Variants in ZDHHC15 observed in about 807,000 individuals in gnomAD.
ZDHHC15 encodes palmitoyltransferase ZDHHC15.
In ZDHHC15, 19 loss-of-function variants were observed where a neutral mutation model predicts 31.7. That is an observed-to-expected ratio of 0.60 (90% confidence interval 0.42 to 0.88). The LOEUF (loss-of-function observed/expected upper bound fraction) is 0.88. Ranked by LOEUF, ZDHHC15 falls within the 40% of genes least tolerant of loss-of-function variation. The probability of loss-of-function intolerance (pLI) is 0.00; values close to 1 mark genes in which losing one functional copy is unlikely to be tolerated. For synonymous variants in ZDHHC15, 103 were observed against 90.0 expected, an observed-to-expected ratio of 1.14 and a Z score of -0.82; for missense variants, 209 against 251.2, an observed-to-expected ratio of 0.83 and a Z score of 1.14.
At chrX:75,471,701 G>C (rs1243098216) in intron 3 of ZDHHC15, among the ~76,000 whole-genome samples, 1 of 111,930 alleles carries the variant, frequency 8.9e-6, no homozygotes, top group Non-Finnish European at 1.9e-5. Context: ...CAGAACAGGA[G>C]AAGGCTCTTC....
chrX:75,488,612 G>C (rs1441686562), intron 2 of ZDHHC15, among the ~76,000 whole-genome samples: 1 of 111,909 alleles, frequency 8.9e-6, no homozygotes, highest in African/African-American at 3.2e-5. Flanking sequence ...ATAACATAAT[G>C]AAAAATACCC....
chrX:75,417,479 A>G (rs901518523), intron 9 of ZDHHC15, among the ~76,000 whole-genome samples: 7 of 111,972 alleles, frequency 6.3e-5, no homozygotes, highest in African/African-American at 1.9e-4. Flanking sequence ...AGCTTCATAC[A>G]TATCACTTAA....
intron 10 of ZDHHC15, among the ~76,000 whole-genome samples, chrX:75,391,420 T>C (rs2083241336): frequency 9.0e-6 from 1 of 111,009 alleles, no homozygotes. Context: ...ATCGAGACAT[T>C]TGATAATAAA....
chrX:75,522,828 G>A, intron 1 of ZDHHC15, 61 bp downstream of exon 1: 1 of 1,193,041 alleles, frequency 8.4e-7, no homozygotes, highest in South Asian at 1.8e-5. Flanking sequence ...CAGTGTGAAG[G>A]TAGGGCAAAC....
At chrX:75,442,378 T>C (rs891304679) in intron 4 of ZDHHC15, among the ~76,000 whole-genome samples, 2 of 111,816 alleles carry the variant, frequency 1.8e-5, no homozygotes, top group African/African-American at 6.5e-5. Context: ...TGTTTGCAGA[T>C]GACATGATTG....
At chrX:75,384,353 A>C (rs1051219351) in intron 10 of ZDHHC15, 1 of 946,341 alleles carries the variant, frequency 1.1e-6, no homozygotes, top group Non-Finnish European at 1.5e-6. Flanking sequence ...AAAATGACGA[A>C]CACAAAGGGA....
At chrX:75,418,213 T>C (rs1428853979) in intron 9 of ZDHHC15, among the ~76,000 whole-genome samples, 1 of 111,797 alleles carries the variant, frequency 8.9e-6, no homozygotes, top group Non-Finnish European at 1.9e-5. Flanking sequence ...GACAGGTTAG[T>C]TGGATACACC....
At chrX:75,424,613 A>C in intron 8 of ZDHHC15, 39 bp downstream of exon 8, 1 of 1,165,335 alleles carries the variant, frequency 8.6e-7, no homozygotes, top group African/African-American at 1.8e-5. Flanking sequence ...TCTGATACAC[A>C]TTAATATGTT....
chrX:75,502,475 C>T (rs770718888), intron 2 of ZDHHC15, among the ~76,000 whole-genome samples: 203 of 112,050 alleles, frequency 1.8e-3, no homozygotes, highest in African/African-American at 6.2e-3. Flanking sequence ...TAAATAATTA[C>T]AACCATTTTA....
intron 10 of ZDHHC15, among the ~76,000 whole-genome samples, chrX:75,389,952 A>G (rs2083222803): frequency 9.0e-6 from 1 of 111,395 alleles, no homozygotes; most frequent in Non-Finnish European, 1.9e-5. Flanking sequence ...TGGCATTTCT[A>G]TACCTACCCA....
At chrX:75,404,621 A>T (rs879124856) in intron 10 of ZDHHC15, among the ~76,000 whole-genome samples, 1 of 112,051 alleles carries the variant, frequency 8.9e-6, no homozygotes, top group African/African-American at 3.2e-5. Context: ...ACAAACATAT[A>T]AAAAAAGCTC....
Position 75,383,018 on chromosome X carries a change from C to T in ZDHHC15, c.968-3820G>A, listed in dbSNP as rs910317044. Among the ~76,000 whole-genome samples the T allele has an allele frequency of 2.2e-4, 24 of 111,320 alleles. 1 individual carries two copies. Among genetic ancestry groups the T allele is most frequent in the Admixed American group, 2.1e-3 (22 of 10,476 alleles). On this transcript the variant is annotated intron_variant, in intron 10 of 11. Transcript: ENST00000373367. ...CTTTCTGGTGAAAGAGGTACAGGAA[C>T]TAAAATAATTTTCTTTCAAGTGGTC...
chrX:75,491,098 C>A (rs778614106), intron 2 of ZDHHC15, among the ~76,000 whole-genome samples: 3 of 111,293 alleles, frequency 2.7e-5, no homozygotes, highest in South Asian at 3.8e-4. Context: ...ACTAGAAATA[C>A]CATTGGACCC....
At chrX:75,446,737 C>T (rs775341327) in intron 4 of ZDHHC15, among the ~76,000 whole-genome samples, 6 of 111,040 alleles carry the variant, frequency 5.4e-5, no homozygotes, top group Non-Finnish European at 9.4e-5. Flanking sequence ...ATAGATAGTG[C>T]TTTCTTGCTG....
intron 11 of ZDHHC15, 77 bp from the exon 12 acceptor site, chrX:75,373,022 A>G (rs1489601361): frequency 1.8e-5 from 2 of 111,844 alleles, no homozygotes; most frequent in Non-Finnish European, 3.8e-5. Flanking sequence ...ACTTGACAAT[A>G]ATATGCAACC....
At chrX:75,450,223 A>G (rs1354765928) in intron 4 of ZDHHC15, among the ~76,000 whole-genome samples, 1 of 112,070 alleles carries the variant, frequency 8.9e-6, no homozygotes, top group Non-Finnish European at 1.9e-5. Flanking sequence ...TTGAGAGCAG[A>G]CAAAACTAAT....
intron 1 of ZDHHC15, among the ~76,000 whole-genome samples, chrX:75,507,282 A>G (rs2085182940): frequency 9.0e-6 from 1 of 111,490 alleles, no homozygotes; most frequent in Non-Finnish European, 1.9e-5. Flanking sequence ...GGACATTCAG[A>G]CATTAGTTTG....
chrX:75,384,348 G>A, intron 10 of ZDHHC15: 2 of 910,081 alleles, frequency 2.2e-6, no homozygotes, highest in Non-Finnish European at 3.2e-6. Flanking sequence ...TCGCCAAAAT[G>A]ACGAACACAA....
chrX:75,421,849 G>A lies in ZDHHC15; in HGVS notation c.863+15C>T, dbSNP rs766544942. ...GGTCCAGTACTAACTTCTTCCAGTG[G>A]TAATATTTACTCACCTGGAACCAAT... is the stretch of plus-strand genomic sequence containing the variant. On this transcript the variant is annotated intron_variant, in intron 9 of 11. Coordinates refer to ENST00000373367, the MANE Select transcript of ZDHHC15 (RefSeq NM_144969.3). The A allele has an allele frequency of 3.7e-5, 45 of 1,205,791 alleles. No homozygotes were observed. Among genetic ancestry groups the A allele is most frequent in the Non-Finnish European group, 4.8e-5 (43 of 892,783 alleles).
Sources: gnomAD v4.1 joint callset for allele counts (sites outside exome capture counted in the v4.1 genomes callset) on GRCh38, gnomAD v4.1.1 for gene constraint, MANE v1.5 for transcripts, NCBI Gene and HGNC (gene_info 2026-07-23, HGNC 2026-07-21) for gene names.